The following SHB variants were observed in gnomAD, a reference collection of about 807,000 sequenced individuals.
SHB encodes SH2 domain-containing adapter protein B.
SHB carries 20 observed loss-of-function variants against 52.3 expected under a neutral mutation model. That is an observed-to-expected ratio of 0.38 (90% CI 0.27 to 0.56). The LOEUF (loss-of-function observed/expected upper bound fraction) is 0.56, where lower values mean the gene tolerates loss of function less well. Among genes scored for constraint, SHB ranks in the 20% least tolerant of loss-of-function variants. The pLI is 0.71. For synonymous variants in SHB, 397 were observed against 316.5 expected (o/e 1.25, Z -2.70); for missense variants, 825 against 723.3 (o/e 1.14, Z -1.61).
At position 38,059,738 on chromosome 9, in the gene SHB, A is replaced by G. The variant is rs568301457; in HGVS notation, c.717+8191T>C. ...CCAGATTCGGCCACGCCACCTCCAC[A>G]CCACCCCGGCACAAAGGGCACTGGC... On this transcript the variant is annotated intron_variant, in intron 1 of 5. Coordinates refer to ENST00000377707, the MANE Select transcript of SHB (RefSeq NM_003028.3). Among the ~76,000 whole-genome samples, 5 of 152,060 alleles carry G rather than the reference A, an allele frequency of 3.3e-5. No individual in the cohort carries two copies. In the South Asian group the frequency reaches 1.0e-3, roughly 32 times the overall value.
chr9:37,982,516 G>A (rs1053084420), intron 2 of SHB, among the ~76,000 whole-genome samples: 1 of 152,008 alleles, frequency 6.6e-6, no homozygotes, highest in Admixed American at 6.6e-5. Flanking sequence ...AAGTAGGCCG[G>A]GTGCAGTGGC....
chr9:38,060,022 A>T lies in SHB; in HGVS notation c.717+7907T>A, dbSNP rs920496624. On this transcript the variant is annotated intron_variant, in intron 1 of 5. Coordinates refer to ENST00000377707, the MANE Select transcript of SHB (RefSeq NM_003028.3). ...CCAACAGAGGGGACATTTTACAAAG[A>T]GTAAGTCTAGCCACAAATAAGGCAG... Among the ~76,000 whole-genome samples the T allele has an allele frequency of 1.3e-4, 20 of 152,220 alleles. 1 individual carries two copies. Among genetic ancestry groups the T allele is most frequent in the Non-Finnish European group, 5.9e-5 (4 of 68,038 alleles).
intron 1 of SHB, among the ~76,000 whole-genome samples, chr9:38,064,474 C>T (rs1564114257): frequency 2.0e-5 from 3 of 152,248 alleles, no homozygotes; most frequent in Non-Finnish European, 2.9e-5. Flanking sequence ...TGTTCACACA[C>T]ATGTATACAC....
chr9:37,955,779 C>G, intron 4 of SHB, 104 bp downstream of exon 4: 3 of 1,160,692 alleles, frequency 2.6e-6, no homozygotes, highest in South Asian at 1.5e-5. Context: ...TGAGCCACCA[C>G]GCCCGGCCCA....
intron 3 of SHB, among the ~76,000 whole-genome samples, chr9:37,963,620 G>A (rs1363766506): frequency 6.6e-6 from 1 of 152,208 alleles, no homozygotes; most frequent in African/African-American, 2.4e-5. Context: ...TGGGGTGTTG[G>A]TGAGGGGGAA....
chr9:38,020,018 A>G (rs1821262933), intron 1 of SHB, among the ~76,000 whole-genome samples: 1 of 152,368 alleles, frequency 6.6e-6, no homozygotes, highest in Admixed American at 6.5e-5. Context: ...AATGAAAAAC[A>G]AAACAGAAAC....
rs563417919 is a variant in SHB, at chr9:38,020,228, C to T, written c.718-4097G>A. On this transcript the variant is annotated intron_variant, in intron 1 of 5. Coordinates refer to ENST00000377707, the MANE Select transcript of SHB (RefSeq NM_003028.3). ...AAACTAAACTTGCTTAAAAGCACTC[C>T]TCTTCCACAGGCTATTTTTGGTACA... is the stretch of plus-strand genomic sequence containing the variant. Among the ~76,000 whole-genome samples the T allele has an allele frequency of 2.0e-5, 3 of 152,350 alleles. No homozygotes were observed. The East Asian group carries it at 5.8e-4, about 29-fold the overall frequency.
intron 1 of SHB, among the ~76,000 whole-genome samples, chr9:38,060,698 G>A (rs969011994): frequency 6.6e-6 from 1 of 152,146 alleles, no homozygotes; most frequent in African/African-American, 2.4e-5. Context: ...TCAAGTGATT[G>A]TACCTTTTTT....
intron 4 of SHB, among the ~76,000 whole-genome samples, chr9:37,952,869 C>T (rs968540177): frequency 6.6e-6 from 1 of 151,924 alleles, no homozygotes; most frequent in Non-Finnish European, 1.5e-5. Flanking sequence ...GTTTGAGATG[C>T]CCACTTGTCA....
At chr9:37,941,407 T>C (rs1832432597) in intron 5 of SHB, among the ~76,000 whole-genome samples, 2 of 152,242 alleles carry the variant, frequency 1.3e-5, no homozygotes, top group Admixed American at 1.3e-4. Context: ...TTCAGTCCCT[T>C]TGCCCAACAC....
intron 5 of SHB, among the ~76,000 whole-genome samples, chr9:37,922,152 G>A (rs1397631643): frequency 6.6e-6 from 1 of 152,252 alleles, no homozygotes; most frequent in Non-Finnish European, 1.5e-5. Context: ...TGGAGGAGGT[G>A]TCAGGCAGAG....
chr9:37,943,986 A>G (rs1832463759), intron 5 of SHB, among the ~76,000 whole-genome samples: 1 of 152,070 alleles, frequency 6.6e-6, no homozygotes, highest in Non-Finnish European at 1.5e-5. Context: ...CTGTGTTAAG[A>G]GTTTGACATT....
At position 38,054,495 on chromosome 9, in the gene SHB, G is replaced by T. The variant is rs117332743; in HGVS notation, c.717+13434C>A. On this transcript the variant is annotated intron_variant, in intron 1 of 5. Coordinates refer to ENST00000377707, the MANE Select transcript of SHB (RefSeq NM_003028.3). ...ACCTCAACTCACCCACCGGGAACCT[G>T]CTCTAGCCTATTACTTCATGCCCAC... is the stretch of plus-strand genomic sequence containing the variant. Among the ~76,000 whole-genome samples the T allele has an allele frequency of 9.2e-3, 1,400 of 152,280 alleles. 11 individuals carry two copies. The highest frequency in any genetic ancestry group is 0.02 in the Middle Eastern group (6 of 294).
intron 4 of SHB, among the ~76,000 whole-genome samples, 189 bp from the exon 5 acceptor site, chr9:37,948,943 A>G (rs969071891): frequency 2.0e-5 from 3 of 152,190 alleles, no homozygotes; most frequent in Non-Finnish European, 4.4e-5. Flanking sequence ...AACAAAACCC[A>G]GTCTCTTTTC....
Position 37,919,740 on chromosome 9 carries a change from A to G in SHB, c.*81T>C. ...CAACACAAACGACACAGCCAGCAAC[A>G]GTGGCTGGGCTGGTTGGTGGGGGGC... On this transcript the variant is annotated 3_prime_UTR_variant, in exon 6 of 6. Transcript: ENST00000377707. 1.8e-6 allele frequency: 2 copies of G among 1,093,912 alleles called. No homozygotes were observed. The highest frequency in any genetic ancestry group is 2.8e-6 in the Non-Finnish European group (2 of 725,420). 67.8% of individuals were successfully genotyped at this position (1,093,912 alleles called of 1,614,324 possible).
chr9:37,982,793 C>CT (rs1820751418), intron 2 of SHB, among the ~76,000 whole-genome samples: 1 of 151,744 alleles, frequency 6.6e-6, no homozygotes. Context: ...GAGCAAAACT[C>CT]TGTTTCAAAG....
At chr9:38,053,975 G>A (rs116977943) in intron 1 of SHB, among the ~76,000 whole-genome samples, 3,173 of 152,284 alleles carry the variant, frequency 0.021, 38 homozygotes, top group Admixed American at 0.029. Context: ...ACACAGTTAA[G>A]GATCAAGTAC....
intron 2 of SHB, among the ~76,000 whole-genome samples, chr9:38,004,928 T>TG (rs1465645100): frequency 6.6e-6 from 1 of 152,162 alleles, no homozygotes; most frequent in East Asian, 1.9e-4. Flanking sequence ...GAGAGATTTG[T>TG]GGGGGATGTT....
chr9:37,974,730 C>G lies in SHB; in HGVS notation c.946G>C (p.Val316Leu). 6 of 1,614,148 alleles carry G rather than the reference C, an allele frequency of 3.7e-6. 1 individual carries two copies. The East Asian group carries it at 1.3e-4, about 36-fold the overall frequency. The change falls in exon 3 of 6, where the codon GTC becomes CTC. Residue 316 changes from valine (V) to leucine (L), a missense_variant. Val to Leu is a conservative substitution (Grantham distance 32). Coordinates refer to ENST00000377707, the MANE Select transcript of SHB (RefSeq NM_003028.3). ...QSVDSDSEST[V>L]SPRLRESKLP... ...TTGCTCTCCCGCAGTCGGGGGCTGA[C>G]TGTGCTCTCCGAGTCTGAGTCAACA...
Sources: gnomAD v4.1 joint callset for allele counts (sites outside exome capture counted in the v4.1 genomes callset) on GRCh38, gnomAD v4.1.1 for gene constraint, MANE v1.5 for transcripts, NCBI Gene and HGNC (gene_info 2026-07-23, HGNC 2026-07-21) for gene names.